Variants in SMIM7 observed in about 807,000 individuals in gnomAD.
SMIM7 encodes small integral membrane protein 7.
A neutral mutation model predicts 13.3 loss-of-function variants in SMIM7; 12 were observed. The ratio of observed to expected loss-of-function variants is 0.90; its 90% CI spans 0.58 to 1.46. The LOEUF is 1.46. Among genes scored for constraint, SMIM7 ranks in the 40% most tolerant of loss-of-function variants. The pLI, the probability that SMIM7 is intolerant of heterozygous loss-of-function variation, is 0.00. For missense variants in SMIM7, 114 were observed against 94.8 expected (o/e 1.20, Z -0.84); for synonymous variants, 36 against 35.8 (o/e 1.01, Z -0.02).
At chr19:16,642,885 G>A (rs145408691), downstream of SMIM7, among the ~76,000 whole-genome samples, 1,552 of 149,714 alleles carry the variant, frequency 0.01, 25 homozygotes, top group African/African-American at 0.036. Flanking sequence ...GTGCAGCGGC[G>A]CGATCATGGC....
At chr19:16,647,876 T>C (rs1298306617) in intron 4 of SMIM7, among the ~76,000 whole-genome samples, 1 of 152,186 alleles carries the variant, frequency 6.6e-6, no homozygotes, top group Non-Finnish European at 1.5e-5. Context: ...ATAAAAAGGT[T>C]ATCTGAAAAA....
chr19:16,656,152 G>T lies in SMIM7; in HGVS notation c.122-2027C>A, dbSNP rs371714576. On this transcript the variant is annotated intron_variant, in intron 3 of 4. Coordinates refer to ENST00000487416, the MANE Select transcript of SMIM7 (RefSeq NM_024104.4). ...TGTAATCCCAGCACTTTGGGAGGCC[G>T]AGGCAGGTGGATCACCTGAGGTCGC... Among the ~76,000 whole-genome samples the T allele has an allele frequency of 3.8e-4, 57 of 151,890 alleles. 2 individuals carry two copies. The East Asian group carries it at 8.2e-3, about 22-fold the overall frequency.
At chr19:16,658,325 C>T (rs531445384) in intron 3 of SMIM7, among the ~76,000 whole-genome samples, 13 of 152,190 alleles carry the variant, frequency 8.5e-5, no homozygotes, top group Non-Finnish European at 1.5e-4. Flanking sequence ...AGCCAGCATG[C>T]GTTAGGTACT....
chr19:16,657,937 A>C (rs1384100899), intron 3 of SMIM7, among the ~76,000 whole-genome samples: 1 of 152,194 alleles, frequency 6.6e-6, no homozygotes, highest in Non-Finnish European at 1.5e-5. Context: ...TGGGAGCCTG[A>C]GGCAAGAGGA....
At chr19:16,653,511 A>G (rs1018203610) in intron 4 of SMIM7, among the ~76,000 whole-genome samples, 5 of 151,564 alleles carry the variant, frequency 3.3e-5, no homozygotes, top group African/African-American at 1.2e-4. Context: ...TGAAGCAGGG[A>G]GGCAGAGGTT....
chr19:16,634,317 T>A (rs1003977929), intron 4 of SMIM7: 1 of 151,988 alleles, frequency 6.6e-6, no homozygotes, highest in South Asian at 2.1e-4. Context: ...CCTTGTGTCA[T>A]CCCCACTTCC....
downstream of SMIM7, among the ~76,000 whole-genome samples, chr19:16,642,823 C>CTTTTT (rs11323250): frequency 7.5e-6 from 1 of 133,520 alleles, no homozygotes; most frequent in Non-Finnish European, 1.6e-5. Context: ...GAGACCTTAT[C>CTTTTT]TTTTTTTTTT....
At chr19:16,659,818 G>T in intron 2 of SMIM7, 141 bp downstream of exon 2, 2 of 1,112,410 alleles carry the variant, frequency 1.8e-6, no homozygotes, top group Non-Finnish European at 1.3e-6. Flanking sequence ...GATAAACCAG[G>T]CTGGAGGCGT....
At chr19:16,638,137 C>T (rs962984698) in intron 4 of SMIM7, among the ~76,000 whole-genome samples, 1 of 151,234 alleles carries the variant, frequency 6.6e-6, no homozygotes, top group Non-Finnish European at 1.5e-5. Flanking sequence ...CGTGGTGGTA[C>T]GCACCTGTAA....
chr19:16,654,214 C>A, intron 3 of SMIM7, 89 bp from the exon 4 acceptor site: 4 of 1,086,400 alleles, frequency 3.7e-6, no homozygotes, highest in Non-Finnish European at 5.5e-6. Context: ...CTTCCACCCA[C>A]CCGGCGCTTG....
chr19:16,655,680 CAAAAAAA>C (rs869256040), intron 3 of SMIM7, among the ~76,000 whole-genome samples: 5 of 38,514 alleles, frequency 1.3e-4, no homozygotes, highest in African/African-American at 3.8e-4. Context: ...GACTCCATCT[CAAAAAAA>C]AAAAAAAAAA....
At chr19:16,659,587 A>C in intron 2 of SMIM7, 140 bp from the exon 3 acceptor site, 1 of 830,790 alleles carries the variant, frequency 1.2e-6, no homozygotes, top group African/African-American at 1.7e-5. Context: ...CTGACGTTCA[A>C]TACCCTTCTC....
chr19:16,655,248 T>C (rs186420016), intron 3 of SMIM7: 17 of 449,716 alleles, frequency 3.8e-5, no homozygotes, highest in Middle Eastern at 3.3e-4. Flanking sequence ...TCTGGTCCCC[T>C]TGAATGCCAA....
intron 4 of SMIM7, 68 bp from the exon 5 acceptor site, chr19:16,647,329 G>C: frequency 6.4e-7 from 1 of 1,574,506 alleles, no homozygotes; most frequent in South Asian, 1.1e-5. Context: ...TATTGTCAGC[G>C]ATTATTTTAC....
chr19:16,653,390 C>T (rs1177262258), intron 4 of SMIM7, among the ~76,000 whole-genome samples: 1 of 152,016 alleles, frequency 6.6e-6, no homozygotes, highest in Non-Finnish European at 1.5e-5. Context: ...CAAGACCAGC[C>T]TGACCAACAT....
chr19:16,641,625 G>A (rs2086404648), downstream of SMIM7, among the ~76,000 whole-genome samples: 1 of 151,540 alleles, frequency 6.6e-6, no homozygotes, highest in Admixed American at 6.6e-5. Flanking sequence ...TTTGGAGACA[G>A]TCTAGCTCTG....
chr19:16,642,206 G>A (rs1389809149), downstream of SMIM7, among the ~76,000 whole-genome samples: 1 of 152,202 alleles, frequency 6.6e-6, no homozygotes, highest in Non-Finnish European at 1.5e-5. Flanking sequence ...CCCATCAACT[G>A]GGGACTGGTT....
chr19:16,646,123 A>G (rs1201824467), downstream of SMIM7: 1 of 152,034 alleles, frequency 6.6e-6, no homozygotes, highest in African/African-American at 2.4e-5. Context: ...TTGGTTAAAA[A>G]AAAAAAAAAA....
At chr19:16,638,309 T>C (rs1243614667) in intron 4 of SMIM7, among the ~76,000 whole-genome samples, 4 of 134,310 alleles carry the variant, frequency 3.0e-5, no homozygotes, top group Non-Finnish European at 6.9e-5. Context: ...TTCTTTTTTT[T>C]TTTTTTTTTT....
Sources: gnomAD v4.1 joint callset for allele counts (sites outside exome capture counted in the v4.1 genomes callset) on GRCh38, gnomAD v4.1.1 for gene constraint, MANE v1.5 for transcripts, NCBI Gene and HGNC (gene_info 2026-07-23, HGNC 2026-07-21) for gene names.